Variants in MARCHF5 observed in about 807,000 individuals in gnomAD.
MARCHF5 encodes E3 ubiquitin-protein ligase MARCHF5.
In MARCHF5, 5 loss-of-function variants were observed where a neutral mutation model predicts 36.5. That is an observed-to-expected ratio of 0.14 (90% confidence interval 0.07 to 0.29). MARCHF5 has a LOEUF of 0.29. MARCHF5 is among the 10% of genes least tolerant of loss of function. The pLI is 1.00. For synonymous variants in MARCHF5, 103 were observed against 109.9 expected, an observed-to-expected ratio of 0.94 and a Z score of 0.39; for missense variants, 179 against 336.3, an observed-to-expected ratio of 0.53 and a Z score of 3.66.
rs1488150120 is a variant in MARCHF5, at chr10:92,352,657, G to C, written c.*1450G>C. On this transcript the variant is annotated 3_prime_UTR_variant, in exon 6 of 6. Coordinates refer to ENST00000358935, the MANE Select transcript of MARCHF5 (RefSeq NM_017824.5). ...GTGTAGCAAATATAGATTGAGCTAT[G>C]TTAGTTTGCAATAATATATGTTAAC... 2 of 152,430 alleles carry C rather than the reference G, an allele frequency of 1.3e-5. No individual in the cohort carries two copies. The highest frequency in any genetic ancestry group is 4.8e-5 in the African/African-American group (2 of 41,450). 9.4% of individuals were successfully genotyped at this position (152,430 alleles called of 1,614,324 possible).
At chr10:92,341,793 T>C (rs1843582610) in intron 3 of MARCHF5, among the ~76,000 whole-genome samples, 1 of 146,122 alleles carries the variant, frequency 6.8e-6, no homozygotes, top group Non-Finnish European at 1.5e-5. Flanking sequence ...TTTTTTTTTT[T>C]TTTTTTTTTT....
At chr10:92,307,212 T>TGTGC (rs1024565926) in intron 1 of MARCHF5, among the ~76,000 whole-genome samples, 25 of 41,604 alleles carry the variant, frequency 6.0e-4, no homozygotes, top group African/African-American at 1.9e-3. Context: ...TGTGTGTGTG[T>TGTGC]GCGCGTGCAT....
intron 2 of MARCHF5, among the ~76,000 whole-genome samples, chr10:92,336,137 G>A (rs1843499658): frequency 6.6e-6 from 1 of 152,176 alleles, no homozygotes; most frequent in Admixed American, 6.5e-5. Flanking sequence ...CCAGGTTCGA[G>A]CGATTCTTCT....
intron 5 of MARCHF5, 62 bp downstream of exon 5, chr10:92,349,899 T>A: frequency 7.2e-7 from 1 of 1,389,408 alleles, no homozygotes; most frequent in Non-Finnish European, 1.0e-6. Flanking sequence ...TATTTGTTTT[T>A]AAAAGGTGGG....
At position 92,353,210 on chromosome 10, in the gene MARCHF5, T is replaced by TA. The variant is rs2135226208; in HGVS notation, c.*2006dup. The TA allele has an allele frequency of 6.6e-6, 1 of 152,270 alleles. No homozygotes were observed. Among genetic ancestry groups the TA allele is most frequent in the South Asian group, 2.1e-4 (1 of 4,814 alleles). The allele number at this position is 152,270 out of a possible 1,614,324, so 9.4% of individuals were successfully genotyped here. ...CCTCTAGCCCCGAATTGAACACTTT[T>TA]AAACCTAAAGAGCCTTATTATTATT... On this transcript the variant is annotated 3_prime_UTR_variant, in exon 6 of 6. Coordinates refer to ENST00000358935, the MANE Select transcript of MARCHF5 (RefSeq NM_017824.5).
At chr10:92,338,266 A>G (rs1468570685) in intron 2 of MARCHF5, among the ~76,000 whole-genome samples, 3 of 152,188 alleles carry the variant, frequency 2.0e-5, no homozygotes, top group African/African-American at 7.2e-5. Context: ...TTTAACTTCT[A>G]CTACTAGCAT....
chr10:92,310,833 T>C (rs2135186078), intron 1 of MARCHF5, among the ~76,000 whole-genome samples: 1 of 152,308 alleles, frequency 6.6e-6, no homozygotes. Flanking sequence ...CAACTTGAGG[T>C]TTGTCTCCTT....
intron 4 of MARCHF5, 64 bp downstream of exon 4, chr10:92,349,596 T>C: frequency 6.3e-7 from 1 of 1,593,278 alleles, no homozygotes; most frequent in Non-Finnish European, 8.6e-7. Context: ...AATAACATGC[T>C]TTTTTAGCCA....
chr10:92,346,683 A>T (rs912861243), intron 3 of MARCHF5, among the ~76,000 whole-genome samples: 2 of 151,704 alleles, frequency 1.3e-5, no homozygotes, highest in South Asian at 4.2e-4. Context: ...GGGTTCCACC[A>T]TGTTGGTCAG....
chr10:92,349,241 C>T, intron 3 of MARCHF5, 108 bp from the exon 4 acceptor site: 4 of 797,168 alleles, frequency 5.0e-6, no homozygotes, highest in Admixed American at 5.7e-5. Context: ...CTTTTTATTT[C>T]TGTGTATTCT....
chr10:92,324,098 TAG>T (rs1437282539), intron 2 of MARCHF5, among the ~76,000 whole-genome samples: 2 of 152,272 alleles, frequency 1.3e-5, no homozygotes, highest in African/African-American at 4.8e-5. Context: ...GATAGATGTA[TAG>T]AGGTATCTCA....
rs1278681864 is a variant in MARCHF5 at position 92,291,389 on chromosome 10, T to TGCCGCCGGACTGCGGCCTAC, written c.-105_-86dup. On this transcript the variant is annotated 5_prime_UTR_variant, in exon 1 of 6. It introduces an in-frame stop codon into an upstream open reading frame of the 5' UTR. Coordinates refer to ENST00000358935, the MANE Select transcript of MARCHF5 (RefSeq NM_017824.5). ...GGAAGCTGGGTGACGGGTTCGCGGC[T>TGCCGCCGGACTGCGGCCTAC]GCCGCCGGACTGCGGCCTACTCCGC... 1 of 1,063,564 alleles carries TGCCGCCGGACTGCGGCCTAC rather than the reference T, an allele frequency of 9.4e-7. No homozygotes were observed. Among genetic ancestry groups the TGCCGCCGGACTGCGGCCTAC allele is most frequent in the African/African-American group, 1.6e-5 (1 of 61,946 alleles). 65.9% of individuals were successfully genotyped at this position (1,063,564 alleles called of 1,614,324 possible). A position where few individuals can be genotyped will look rare whatever the true frequency, so the allele number is the denominator to read the frequency against.
At chr10:92,317,434 T>G (rs1843225874) in intron 2 of MARCHF5, among the ~76,000 whole-genome samples, 1 of 152,146 alleles carries the variant, frequency 6.6e-6, no homozygotes, top group South Asian at 2.1e-4. Context: ...CAACATTGTT[T>G]TATAGTTTTT....
At chr10:92,309,316 T>C (rs965024512) in intron 1 of MARCHF5, among the ~76,000 whole-genome samples, 3 of 152,210 alleles carry the variant, frequency 2.0e-5, no homozygotes, top group African/African-American at 4.8e-5. Flanking sequence ...GATCAAAATA[T>C]GAAATTTGAC....
At position 92,353,241 on chromosome 10, in the gene MARCHF5, G is replaced by A. The variant is rs1036184867; in HGVS notation, c.*2034G>A. ...TAAAGAGCCTTATTATTATTAGCTC[G>A]AGAAATACCACATGCCAGTCTTCCC... On this transcript the variant is annotated 3_prime_UTR_variant, in exon 6 of 6. Coordinates refer to ENST00000358935, the MANE Select transcript of MARCHF5 (RefSeq NM_017824.5). 5.3e-5 allele frequency: 8 copies of A among 152,080 alleles called. No individual in the cohort carries two copies. Among genetic ancestry groups the A allele is most frequent in the African/African-American group, 1.4e-4 (6 of 41,392 alleles). The allele number at this position is 152,080 out of a possible 1,614,324, so 9.4% of individuals were successfully genotyped here.
chr10:92,327,641 G>A (rs1277365042), intron 2 of MARCHF5, among the ~76,000 whole-genome samples: 1 of 152,172 alleles, frequency 6.6e-6, no homozygotes, highest in Non-Finnish European at 1.5e-5. Flanking sequence ...GTATTGGAGT[G>A]CCTGCTTCCC....
intron 2 of MARCHF5, among the ~76,000 whole-genome samples, chr10:92,312,336 C>T (rs1590651698): frequency 6.6e-6 from 1 of 152,256 alleles, no homozygotes; most frequent in African/African-American, 2.4e-5. Flanking sequence ...CTCTGTTTTT[C>T]TCTAACATGC....
chr10:92,324,061 G>T (rs1272392646), intron 2 of MARCHF5, among the ~76,000 whole-genome samples: 1 of 152,202 alleles, frequency 6.6e-6, no homozygotes, highest in African/African-American at 2.4e-5. Context: ...CCACATCCTT[G>T]CCAGTGTTTT....
intron 2 of MARCHF5, among the ~76,000 whole-genome samples, chr10:92,331,580 G>A (rs1033672449): frequency 1.3e-5 from 2 of 151,900 alleles, no homozygotes; most frequent in African/African-American, 4.8e-5. Context: ...GGGGGCAGCA[G>A]CTAGTGTGTT....
Sources: gnomAD v4.1 joint callset for allele counts (sites outside exome capture counted in the v4.1 genomes callset) on GRCh38, gnomAD v4.1.1 for gene constraint, MANE v1.5 for transcripts, NCBI Gene and HGNC (gene_info 2026-07-23, HGNC 2026-07-21) for gene names.